Variants in ZFYVE9 observed in about 807,000 individuals in gnomAD.
ZFYVE9 encodes the protein zinc finger FYVE domain-containing protein 9.
ZFYVE9 carries 43 observed loss-of-function variants against 126.7 expected under a neutral mutation model. That is an observed-to-expected ratio of 0.34 (90% CI 0.27 to 0.44). The LOEUF (loss-of-function observed/expected upper bound fraction) is 0.44. Ranked by LOEUF, ZFYVE9 falls within the 20% of genes least tolerant of loss-of-function variation. The pLI, the probability that ZFYVE9 is intolerant of heterozygous loss-of-function variation, is 1.00. For missense variants in ZFYVE9, 1,476 were observed against 1,697.0 expected, an observed-to-expected ratio of 0.87 and a Z score of 2.29; for synonymous variants, 521 against 597.4, an observed-to-expected ratio of 0.87 and a Z score of 1.87.
intron 12 of ZFYVE9, among the ~76,000 whole-genome samples, chr1:52,301,492 C>G (rs975495713): frequency 6.6e-6 from 1 of 151,746 alleles, no homozygotes; most frequent in Non-Finnish European, 1.5e-5. Flanking sequence ...TTTATACAGA[C>G]AAGGCCTCGC....
Position 52,260,291 on chromosome 1 carries a change from G to A in ZFYVE9, c.2179-3482G>A, listed in dbSNP as rs561437020. Among the ~76,000 whole-genome samples, 10 of 152,116 alleles carry A rather than the reference G, an allele frequency of 6.6e-5. No homozygotes were observed. In the East Asian group the frequency reaches 1.2e-3, roughly 18 times the overall value. On this transcript the variant is annotated intron_variant, in intron 4 of 18. Coordinates refer to ENST00000287727, the MANE Select transcript of ZFYVE9 (RefSeq NM_004799.4). ...GTCATGTGTGGTATTTACTATATCTGTTGGCCATTTTATTTATTTTTTCTG... is the reference window on the plus strand; with the variant it reads ...GTCATGTGTGGTATTTACTATATCTATTGGCCATTTTATTTATTTTTTCTG...
intron 13 of ZFYVE9, among the ~76,000 whole-genome samples, chr1:52,321,979 T>C (rs1646244688): frequency 6.6e-6 from 1 of 152,228 alleles, no homozygotes; most frequent in African/African-American, 2.4e-5. Context: ...ATGTTTGTTT[T>C]AGCCTAAATC....
chr1:52,211,760 A>G (rs549587940), intron 1 of ZFYVE9, among the ~76,000 whole-genome samples: 1 of 152,360 alleles, frequency 6.6e-6, no homozygotes, highest in South Asian at 2.1e-4. Context: ...CAGCCAAGAT[A>G]GGAAACATCT....
At chr1:52,247,296 T>G (rs1414400563) in intron 4 of ZFYVE9, among the ~76,000 whole-genome samples, 2 of 152,146 alleles carry the variant, frequency 1.3e-5, no homozygotes, top group Non-Finnish European at 2.9e-5. Flanking sequence ...CTATTTTTTG[T>G]TTTTTTGCAT....
intron 1 of ZFYVE9, among the ~76,000 whole-genome samples, chr1:52,194,341 G>T (rs575276917): frequency 6.6e-6 from 1 of 151,912 alleles, no homozygotes; most frequent in Admixed American, 6.6e-5. Flanking sequence ...AATGAAGATT[G>T]GTGAATTTGA....
chr1:52,239,037 C>T lies in ZFYVE9; in HGVS notation c.1620C>T (p.Asp540=). Residue 540 remains aspartate (D), a synonymous_variant, in exon 4 of 19, where the codon GAC becomes GAT. Transcript: ENST00000287727. Reference sequence around the variant, plus strand: ...GACTACTTTTAAACAGCACTGGTGACCTAATGAAGAAAAATTATTTACATA... The same window carrying T: ...GACTACTTTTAAACAGCACTGGTGATCTAATGAAGAAAAATTATTTACATA... The part of the protein sequence containing the change: ...GSGLLLNSTG[D]LMKKNYLHNF... 2.5e-6 allele frequency: 4 copies of T among 1,614,070 alleles called. No homozygotes were observed. Among genetic ancestry groups the T allele is most frequent in the Non-Finnish European group, 3.4e-6 (4 of 1,180,000 alleles).
rs533256898 is a variant in ZFYVE9 at position 52,228,270 on chromosome 1, G to A, written c.-36-4901G>A. 1.6e-4 allele frequency among the ~76,000 whole-genome samples: 24 copies of A among 152,164 alleles called. 1 individual carries two copies. In the South Asian group the frequency reaches 3.7e-3, roughly 24 times the overall value. ...ATTTTTAAAATTTTCTGTAGATACGGAGTCTCACTATGTTGTCCAGGCTGA... is the reference window on the plus strand; with the variant it reads ...ATTTTTAAAATTTTCTGTAGATACGAAGTCTCACTATGTTGTCCAGGCTGA... On this transcript the variant is annotated intron_variant, in intron 2 of 18. Coordinates refer to ENST00000287727, the MANE Select transcript of ZFYVE9 (RefSeq NM_004799.4).
At chr1:52,178,373 C>CT (rs1164479180) in intron 1 of ZFYVE9, among the ~76,000 whole-genome samples, 2 of 150,678 alleles carry the variant, frequency 1.3e-5, no homozygotes, top group African/African-American at 4.9e-5. Flanking sequence ...GCACTATCGC[C>CT]CAGGCAGGAG....
intron 1 of ZFYVE9, among the ~76,000 whole-genome samples, chr1:52,183,858 CTTTT>C (rs34718528): frequency 3.0e-5 from 4 of 134,414 alleles, no homozygotes; most frequent in Admixed American, 7.4e-5. Flanking sequence ...TTCTATCTTT[CTTTT>C]TTTTTTTTTT....
intron 13 of ZFYVE9, among the ~76,000 whole-genome samples, chr1:52,304,504 C>T (rs536153239): frequency 1.5e-4 from 23 of 152,190 alleles, no homozygotes; most frequent in African/African-American, 5.3e-4. Flanking sequence ...CTCAGGTGAT[C>T]CACCCACCTC....
At chr1:52,282,968 G>A (rs1645819299) in intron 10 of ZFYVE9, among the ~76,000 whole-genome samples, 1 of 152,096 alleles carries the variant, frequency 6.6e-6, no homozygotes, top group Admixed American at 6.6e-5. Flanking sequence ...GTGCCTTTAT[G>A]TCTTCATTAG....
intron 1 of ZFYVE9, among the ~76,000 whole-genome samples, chr1:52,183,985 C>T (rs891909366): frequency 1.3e-5 from 2 of 151,134 alleles, no homozygotes; most frequent in African/African-American, 4.9e-5. Flanking sequence ...TGAGCCACCG[C>T]ACCTGGCCAA....
At chr1:52,153,861 C>G (rs1430813411) in intron 1 of ZFYVE9, among the ~76,000 whole-genome samples, 1 of 152,194 alleles carries the variant, frequency 6.6e-6, no homozygotes, top group Non-Finnish European at 1.5e-5. Context: ...GGCTATTTCC[C>G]TTTCCACTTC....
chr1:52,255,953 CTT>C (rs1286999133), intron 4 of ZFYVE9, among the ~76,000 whole-genome samples: 104 of 101,244 alleles, frequency 1.0e-3, no homozygotes, highest in Middle Eastern at 4.8e-3. Context: ...CTTTTCTTTT[CTT>C]TTCTTTTCTT....
At chr1:52,181,426 C>T (rs1388671993) in intron 1 of ZFYVE9, among the ~76,000 whole-genome samples, 1 of 152,222 alleles carries the variant, frequency 6.6e-6, no homozygotes, top group African/African-American at 2.4e-5. Flanking sequence ...GTGATCTCGG[C>T]TCGCTACAAT....
At chr1:52,337,652 C>A in intron 15 of ZFYVE9, 120 bp from the exon 16 acceptor site, 2 of 1,157,276 alleles carry the variant, frequency 1.7e-6, no homozygotes, top group Non-Finnish European at 2.4e-6. Context: ...AAGAGCAAAA[C>A]CTCTGTATCA....
chr1:52,207,085 A>C (rs1223832927), intron 1 of ZFYVE9, among the ~76,000 whole-genome samples: 1 of 152,246 alleles, frequency 6.6e-6, no homozygotes, highest in Admixed American at 6.5e-5. Context: ...CAGAAATAAT[A>C]TTTAATCAAA....
chr1:52,270,267 G>C (rs1645676232), intron 7 of ZFYVE9, among the ~76,000 whole-genome samples: 1 of 151,902 alleles, frequency 6.6e-6, no homozygotes, highest in African/African-American at 2.4e-5. Flanking sequence ...TAATTTTTTT[G>C]TTTTGTTTTG....
intron 4 of ZFYVE9, among the ~76,000 whole-genome samples, chr1:52,261,897 T>C (rs1300550995): frequency 1.3e-5 from 2 of 152,176 alleles, no homozygotes; most frequent in African/African-American, 4.8e-5. Context: ...AAAATTTAAA[T>C]GAAATATGTA....
Sources: allele counts gnomAD v4.1 joint callset (sites outside exome capture counted in the v4.1 genomes callset), GRCh38; gene constraint gnomAD v4.1.1; transcripts MANE v1.5; gene names NCBI Gene and HGNC (gene_info 2026-07-23, HGNC 2026-07-21).